Variants in LNPK observed in about 807,000 individuals in gnomAD.
LNPK encodes the protein lunapark, ER junction formation factor, also known as endoplasmic reticulum junction formation protein lunapark.
A neutral mutation model predicts 55.2 loss-of-function variants in LNPK; 29 were observed. The ratio of observed to expected loss-of-function variants is 0.53; its 90% CI spans 0.39 to 0.72. The LOEUF is 0.72. Among genes scored for constraint, LNPK ranks in the 30% least tolerant of loss-of-function variants. The pLI is 0.00. For synonymous variants in LNPK, 162 were observed against 168.2 expected, an observed-to-expected ratio of 0.96 and a Z score of 0.29; for missense variants, 467 against 494.8, an observed-to-expected ratio of 0.94 and a Z score of 0.53.
At chr2:175,961,837 T>C (rs537703002) in intron 8 of LNPK, among the ~76,000 whole-genome samples, 1 of 152,332 alleles carries the variant, frequency 6.6e-6, no homozygotes, top group African/African-American at 2.4e-5. Flanking sequence ...CCTAAGCTGA[T>C]AAGCAATTTC....
intron 4 of LNPK, 99 bp from the exon 5 acceptor site, chr2:175,979,967 T>C: frequency 8.9e-7 from 1 of 1,125,564 alleles, no homozygotes; most frequent in Non-Finnish European, 1.2e-6. Flanking sequence ...TAGAGTTAGG[T>C]ACATTGTTTC....
chr2:175,945,338 C>CAAAAA (rs1685070929), intron 9 of LNPK, among the ~76,000 whole-genome samples: 1 of 150,120 alleles, frequency 6.7e-6, no homozygotes, highest in Non-Finnish European at 1.5e-5. Context: ...GGCGAAACTC[C>CAAAAA]TACTAAAAAT....
intron 1 of LNPK, among the ~76,000 whole-genome samples, chr2:175,996,628 C>T (rs1220525540): frequency 6.6e-6 from 1 of 152,084 alleles, no homozygotes; most frequent in Non-Finnish European, 1.5e-5. Context: ...AGAAATATGG[C>T]CTAGAGTCCC....
intron 4 of LNPK, among the ~76,000 whole-genome samples, chr2:175,990,795 G>A (rs1422982681): frequency 6.6e-6 from 1 of 152,036 alleles, no homozygotes; most frequent in Non-Finnish European, 1.5e-5. Context: ...AGCTGAGAAC[G>A]AGGTTACAAA....
Position 175,947,546 on chromosome 2 carries a change from G to C in LNPK, c.640C>G (p.Pro214Ala). The change falls in exon 9 of 13, where the codon CCA (proline) becomes GCA (alanine). Residue 214 changes from proline to alanine, a missense_variant. Transcript: ENST00000272748. ...PGGPPERTVT[P>A]ALSSNVLPRH... ...GGTAACACATTTGATGATAGGGCTG[G>C]AGTAACAGTCCTTTCTGGGGGTCCA... 1 of 1,614,036 alleles carries C rather than the reference G, an allele frequency of 6.2e-7. No individual in the cohort carries two copies. Among genetic ancestry groups the C allele is most frequent in the Non-Finnish European group, 8.5e-7 (1 of 1,179,948 alleles).
At chr2:175,993,364 A>G in intron 2 of LNPK, 141 bp from the exon 3 acceptor site, 1 of 488,434 alleles carries the variant, frequency 2.0e-6, no homozygotes, top group Non-Finnish European at 3.6e-6. Flanking sequence ...TATAACTAAG[A>G]TTTATTTAAA....
At chr2:176,001,658 G>A (rs1170081476) in intron 1 of LNPK, among the ~76,000 whole-genome samples, 1 of 152,142 alleles carries the variant, frequency 6.6e-6, no homozygotes, top group Non-Finnish European at 1.5e-5. Flanking sequence ...GACACTGACA[G>A]TTTTCAGTCC....
At position 175,996,242 on chromosome 2, in the gene LNPK, TTAAAA is replaced by T. The variant is rs755191309; in HGVS notation, c.-62-601_-62-597del. ...TTACCACTTTGCAATTTTCTATCCT[TTAAAA>T]TAGGTTCTCTATGTTGTTCTGGTAA... On this transcript the variant is annotated intron_variant, in intron 1 of 12. Coordinates refer to ENST00000272748, the MANE Select transcript of LNPK (RefSeq NM_030650.3). Among the ~76,000 whole-genome samples the T allele has an allele frequency of 2.0e-3, 303 of 152,344 alleles. 2 individuals carry two copies. Among genetic ancestry groups the T allele is most frequent in the Non-Finnish European group, 2.1e-3 (144 of 68,036 alleles).
At chr2:175,939,807 C>A in intron 9 of LNPK, 150 bp from the exon 10 acceptor site, 1 of 500,694 alleles carries the variant, frequency 2.0e-6, no homozygotes, top group Non-Finnish European at 3.5e-6. Flanking sequence ...CTCTGAAGAA[C>A]ATTCAAATTT....
chr2:175,926,008 G>A lies in LNPK; in HGVS notation c.*3959C>T, dbSNP rs1299686982. 3 of 152,144 alleles carry A rather than the reference G, an allele frequency of 2.0e-5. No homozygotes were observed. The highest frequency in any genetic ancestry group is 4.4e-5 in the Non-Finnish European group (3 of 68,038). 9.4% of individuals were successfully genotyped at this position (152,144 alleles called of 1,614,324 possible). A position where few individuals can be genotyped will look rare whatever the true frequency, so the allele number is the denominator to read the frequency against. ...TTAAAAACTCAGGCTGCAGCACACA[G>A]AATAGATAGCAAGTGCACAAGGTTG... On this transcript the variant is annotated 3_prime_UTR_variant, in exon 13 of 13. Coordinates refer to ENST00000272748, the MANE Select transcript of LNPK (RefSeq NM_030650.3).
intron 8 of LNPK, among the ~76,000 whole-genome samples, chr2:175,951,321 C>G (rs1012607383): frequency 6.6e-6 from 1 of 151,798 alleles, no homozygotes; most frequent in Non-Finnish European, 1.5e-5. Context: ...CACCCATCAC[C>G]CAAACAGTAT....
Position 175,925,608 on chromosome 2 carries a change from G to A in LNPK, c.*4359C>T, listed in dbSNP as rs1485154264. Reference sequence around the variant, plus strand: ...TTAGTAAATTTGGACCTCATCCCAAGAACACTCAAGAGTCATTAAAGGGTC... The same window carrying A: ...TTAGTAAATTTGGACCTCATCCCAAAAACACTCAAGAGTCATTAAAGGGTC... On this transcript the variant is annotated 3_prime_UTR_variant, in exon 13 of 13. Transcript: ENST00000272748. 1 of 151,030 alleles carries A rather than the reference G, an allele frequency of 6.6e-6. No homozygotes were observed. Among genetic ancestry groups the A allele is most frequent in the Non-Finnish European group, 1.5e-5 (1 of 67,928 alleles). 9.4% of individuals were successfully genotyped at this position (151,030 alleles called of 1,614,324 possible).
chr2:175,990,767 T>C (rs767270404), intron 4 of LNPK, among the ~76,000 whole-genome samples: 120 of 152,096 alleles, frequency 7.9e-4, no homozygotes, highest in Non-Finnish European at 1.6e-3. Flanking sequence ...AAAAGCTCAC[T>C]GAAATAGAAG....
chr2:175,963,681 T>C (rs1460960488), intron 8 of LNPK, among the ~76,000 whole-genome samples: 1 of 151,930 alleles, frequency 6.6e-6, no homozygotes, highest in Admixed American at 6.6e-5. Flanking sequence ...TGTGTACATG[T>C]ACCCTAAAAC....
intron 4 of LNPK, among the ~76,000 whole-genome samples, chr2:175,990,717 CT>C (rs1412822864): frequency 6.6e-6 from 1 of 152,048 alleles, no homozygotes; most frequent in Non-Finnish European, 1.5e-5. Flanking sequence ...AAGGACAATG[CT>C]ATTCTTTGTT....
Position 175,947,711 on chromosome 2 carries a change from T to G in LNPK, c.494-19A>C, listed in dbSNP as rs1361296615. The stretch of plus-strand genomic sequence containing the variant: ...CGAATCTCTGAGAAGAGTAAGTACA[T>G]ACTAGACTTAATTTCCAATATACCA... On this transcript the variant is annotated intron_variant, in intron 8 of 12. Transcript: ENST00000272748. The G allele has an allele frequency of 1.3e-6, 2 of 1,546,604 alleles. No individual in the cohort carries two copies. Among genetic ancestry groups the G allele is most frequent in the Admixed American group, 3.8e-5 (2 of 53,212 alleles).
At chr2:175,980,124 C>T (rs1436554884) in intron 4 of LNPK, among the ~76,000 whole-genome samples, 1 of 152,172 alleles carries the variant, frequency 6.6e-6, no homozygotes, top group Non-Finnish European at 1.5e-5. Flanking sequence ...TGCATAAGTG[C>T]ATTTCTCTGG....
At chr2:175,991,287 G>T (rs1035535815) in intron 4 of LNPK, among the ~76,000 whole-genome samples, 2 of 151,900 alleles carry the variant, frequency 1.3e-5, no homozygotes, top group Non-Finnish European at 2.9e-5. Context: ...AAGGAAAAGG[G>T]GCTCACAATT....
At chr2:175,993,673 A>G (rs1687804104) in intron 2 of LNPK, among the ~76,000 whole-genome samples, 1 of 152,194 alleles carries the variant, frequency 6.6e-6, no homozygotes, top group Non-Finnish European at 1.5e-5. Context: ...TGCGCTTGCA[A>G]TCCCAGCTAC....
Sources: gnomAD v4.1 joint callset for allele counts (sites outside exome capture counted in the v4.1 genomes callset) on GRCh38, gnomAD v4.1.1 for gene constraint, MANE v1.5 for transcripts, NCBI Gene and HGNC (gene_info 2026-07-23, HGNC 2026-07-21) for gene names.